The following ROBO1 variants were observed in gnomAD, a reference collection of about 807,000 sequenced individuals.
ROBO1 encodes roundabout guidance receptor 1.
ROBO1 carries 149 observed loss-of-function variants against 195.9 expected under a neutral mutation model. That is an observed-to-expected ratio of 0.76 (90% CI 0.67 to 0.87). ROBO1 has a LOEUF of 0.87. Among genes scored for constraint, ROBO1 ranks in the 40% least tolerant of loss-of-function variants. ROBO1 has a pLI of 0.00. For missense variants in ROBO1, 1,933 were observed against 2,068.3 expected, an observed-to-expected ratio of 0.93 and a Z score of 1.27; for synonymous variants, 816 against 733.2, an observed-to-expected ratio of 1.11 and a Z score of -1.82.
chr3:78,774,029 A>T (rs2083443249), intron 4 of ROBO1, among the ~76,000 whole-genome samples: 1 of 152,096 alleles, frequency 6.6e-6, no homozygotes, highest in Non-Finnish European at 1.5e-5. Context: ...TGGGAGATGC[A>T]CTCCTTTTCT....
At chr3:78,914,979 A>G (rs1035089919) in intron 4 of ROBO1, among the ~76,000 whole-genome samples, 1 of 151,920 alleles carries the variant, frequency 6.6e-6, no homozygotes, top group East Asian at 1.9e-4. Flanking sequence ...TTGCATTATT[A>G]GGTGTTTGAT....
At chr3:78,622,274 T>C (rs552731138) in intron 26 of ROBO1, among the ~76,000 whole-genome samples, 118 of 152,300 alleles carry the variant, frequency 7.7e-4, no homozygotes, top group African/African-American at 2.7e-3. Context: ...GTTTATATAA[T>C]TCGACTTGCA....
chr3:79,530,281 CA>C (rs1392652851), intron 2 of ROBO1, among the ~76,000 whole-genome samples: 7 of 151,972 alleles, frequency 4.6e-5, no homozygotes, highest in Admixed American at 3.9e-4. Flanking sequence ...GTGATTGCAT[CA>C]ATAGGTATGG....
intron 4 of ROBO1, among the ~76,000 whole-genome samples, chr3:78,883,244 TAA>T (rs34278886): frequency 6.8e-6 from 1 of 147,664 alleles, no homozygotes; most frequent in African/African-American, 2.5e-5. Flanking sequence ...TTTCTGTTGG[TAA>T]AAAAAAAAAA....
intron 3 of ROBO1, among the ~76,000 whole-genome samples, chr3:79,025,380 T>C (rs1182886084): frequency 6.6e-6 from 1 of 152,150 alleles, no homozygotes; most frequent in Non-Finnish European, 1.5e-5. Flanking sequence ...TAAGATACTA[T>C]ATATATTTTT....
chr3:79,279,478 C>A (rs1417134541), intron 2 of ROBO1, among the ~76,000 whole-genome samples: 5 of 151,958 alleles, frequency 3.3e-5, no homozygotes, highest in Non-Finnish European at 5.9e-5. Context: ...CAAATGGTGG[C>A]AAGGATAAGG....
At chr3:78,930,193 C>T (rs1261383222) in intron 4 of ROBO1, among the ~76,000 whole-genome samples, 1 of 152,152 alleles carries the variant, frequency 6.6e-6, no homozygotes, top group Non-Finnish European at 1.5e-5. Context: ...GTAGATTAGA[C>T]TGCTCCTTGA....
chr3:79,330,850 G>C (rs2034413064), intron 2 of ROBO1, among the ~76,000 whole-genome samples: 1 of 152,034 alleles, frequency 6.6e-6, no homozygotes, highest in Non-Finnish European at 1.5e-5. Context: ...ACATCTCTTG[G>C]AAATGATCTT....
chr3:79,024,531 G>A (rs2078166207), intron 3 of ROBO1, among the ~76,000 whole-genome samples: 1 of 152,054 alleles, frequency 6.6e-6, no homozygotes, highest in Admixed American at 6.5e-5. Flanking sequence ...TTTGAGCTCA[G>A]TTTGTTTTGA....
intron 2 of ROBO1, among the ~76,000 whole-genome samples, chr3:79,211,124 CATA>C (rs1452949413): frequency 6.6e-6 from 1 of 151,968 alleles, no homozygotes. Flanking sequence ...TAATACTAAA[CATA>C]ATAATTAAAG....
chr3:79,364,204 A>G (rs2109312980), intron 2 of ROBO1, among the ~76,000 whole-genome samples: 1 of 151,010 alleles, frequency 6.6e-6, no homozygotes, highest in Non-Finnish European at 1.5e-5. Context: ...GACTCCGTCA[A>G]AAACAAAACG....
intron 2 of ROBO1, among the ~76,000 whole-genome samples, chr3:79,560,175 C>CA (rs1942857840): frequency 6.6e-6 from 1 of 151,608 alleles, no homozygotes; most frequent in Non-Finnish European, 1.5e-5. Flanking sequence ...TGCCACAACA[C>CA]ATATACACCA....
rs551043364 is a variant in ROBO1 at position 78,617,738 on chromosome 3, C to T, written c.4179G>A (p.Ser1393=). ...CAGCATCAGTGAAAAAGGAGCCGTC[C>T]GAAGAACTAACACTGGAGCGTCCGC... The part of the protein sequence containing the change: ...ISSGRSSVSS[S]DGSFFTDADF... Residue 1393 remains serine, a synonymous_variant, in exon 27 of 31, where the codon TCG becomes TCA. Coordinates refer to ENST00000464233, the MANE Select transcript of ROBO1 (RefSeq NM_002941.4). 9.3e-6 allele frequency: 15 copies of T among 1,613,918 alleles called. No homozygotes were observed. The highest frequency in any genetic ancestry group is 2.7e-5 in the African/African-American group (2 of 75,036).
chr3:79,667,340 A>G (rs1375471064), intron 1 of ROBO1, among the ~76,000 whole-genome samples: 3 of 151,830 alleles, frequency 2.0e-5, no homozygotes, highest in Admixed American at 2.0e-4. Flanking sequence ...TGATCATCAA[A>G]TGAGCATTTT....
intron 2 of ROBO1, among the ~76,000 whole-genome samples, chr3:79,504,839 A>T (rs955272161): frequency 1.3e-5 from 2 of 152,054 alleles, no homozygotes; most frequent in African/African-American, 4.8e-5. Context: ...ATAGTTGGGC[A>T]TATGTGTGTG....
chr3:78,702,289 T>C (rs1004870142), intron 8 of ROBO1, among the ~76,000 whole-genome samples: 1 of 152,192 alleles, frequency 6.6e-6, no homozygotes, highest in Admixed American at 6.5e-5. Flanking sequence ...AAAATATCCA[T>C]ACAAATGGAT....
intron 4 of ROBO1, among the ~76,000 whole-genome samples, chr3:78,801,761 T>C (rs2084378503): frequency 6.6e-6 from 1 of 152,122 alleles, no homozygotes; most frequent in Non-Finnish European, 1.5e-5. Context: ...CAAATAGTAA[T>C]ACAACTCATT....
At chr3:79,747,948 A>C (rs1217582028) in intron 1 of ROBO1, among the ~76,000 whole-genome samples, 1 of 152,140 alleles carries the variant, frequency 6.6e-6, no homozygotes, top group Non-Finnish European at 1.5e-5. Context: ...GAATACATAC[A>C]ATTATTTGTA....
intron 2 of ROBO1, among the ~76,000 whole-genome samples, chr3:79,493,049 T>C (rs1439435508): frequency 6.6e-6 from 1 of 151,928 alleles, no homozygotes; most frequent in African/African-American, 2.4e-5. Context: ...GAAGCAAAAA[T>C]ACAAAATATA....
Sources: gnomAD v4.1 joint callset for allele counts (sites outside exome capture counted in the v4.1 genomes callset) on GRCh38, gnomAD v4.1.1 for gene constraint, MANE v1.5 for transcripts, NCBI Gene and HGNC (gene_info 2026-07-23, HGNC 2026-07-21) for gene names.